OTUD7A: variants seen among roughly 807,000 people sequenced by gnomAD.
OTUD7A encodes the protein OTU deubiquitinase 7A.
A neutral mutation model predicts 65.7 loss-of-function variants in OTUD7A; 12 were observed. The ratio of observed to expected loss-of-function variants is 0.18; its 90% confidence interval spans 0.12 to 0.30. The LOEUF is 0.30. Among genes scored for constraint, OTUD7A ranks in the 10% least tolerant of loss-of-function variants. The pLI, the probability that OTUD7A is intolerant of heterozygous loss-of-function variation, is 1.00. For missense variants in OTUD7A, 1,148 were observed against 1,304.8 expected, an observed-to-expected ratio of 0.88 and a Z score of 1.85; for synonymous variants, 641 against 586.3, an observed-to-expected ratio of 1.09 and a Z score of -1.35.
intron 3 of OTUD7A, among the ~76,000 whole-genome samples, chr15:31,596,331 C>T (rs1312428002): frequency 6.6e-6 from 1 of 152,174 alleles, no homozygotes; most frequent in Non-Finnish European, 1.5e-5. Context: ...CTGCTTTTAA[C>T]CATTGAGTAC....
intron 1 of OTUD7A, among the ~76,000 whole-genome samples, chr15:31,856,028 GT>G (rs1372806492): frequency 6.6e-6 from 1 of 152,162 alleles, no homozygotes; most frequent in African/African-American, 2.4e-5. Flanking sequence ...CACGTCAATG[GT>G]AACTCCAGGC....
intron 1 of OTUD7A, among the ~76,000 whole-genome samples, chr15:31,749,754 A>T (rs1011619475): frequency 2.9e-4 from 44 of 151,784 alleles, no homozygotes; most frequent in East Asian, 1.5e-3. Flanking sequence ...TTTTTTTTTT[A>T]AAAAAAGGAA....
intron 10 of OTUD7A, among the ~76,000 whole-genome samples, chr15:31,501,417 A>T (rs1051428301): frequency 6.6e-6 from 1 of 152,212 alleles, no homozygotes; most frequent in African/African-American, 2.4e-5. Flanking sequence ...ATATGTATAC[A>T]TGTGAAAGGG....
chr15:31,531,784 T>C (rs1472643185), intron 5 of OTUD7A, among the ~76,000 whole-genome samples: 1 of 152,162 alleles, frequency 6.6e-6, no homozygotes, highest in African/African-American at 2.4e-5. Flanking sequence ...CAGAGAAGGC[T>C]GAGTACAAAG....
intron 1 of OTUD7A, among the ~76,000 whole-genome samples, chr15:31,682,620 A>G (rs1023036630): frequency 6.6e-6 from 1 of 152,254 alleles, no homozygotes; most frequent in Non-Finnish European, 1.5e-5. Flanking sequence ...GACTTTTCCA[A>G]AAAATGATGC....
At chr15:31,539,677 T>C (rs1887928037) in intron 5 of OTUD7A, among the ~76,000 whole-genome samples, 2 of 152,218 alleles carry the variant, frequency 1.3e-5, no homozygotes, top group African/African-American at 4.8e-5. Flanking sequence ...AATTTTCTAA[T>C]GCTGTTAAGT....
At chr15:31,829,315 A>G (rs1041130087) in intron 1 of OTUD7A, among the ~76,000 whole-genome samples, 5 of 152,186 alleles carry the variant, frequency 3.3e-5, no homozygotes, top group African/African-American at 1.2e-4. Context: ...CAACATGGTA[A>G]GGAACAGGTT....
chr15:31,490,115 G>A (rs867760571), intron 10 of OTUD7A, among the ~76,000 whole-genome samples: 1 of 152,224 alleles, frequency 6.6e-6, no homozygotes, highest in African/African-American at 2.4e-5. Context: ...GGTCCTCCTC[G>A]TGAGCAGCGG....
At chr15:31,485,205 G>A (rs750636538) in intron 12 of OTUD7A, among the ~76,000 whole-genome samples, 41 of 152,174 alleles carry the variant, frequency 2.7e-4, no homozygotes, top group Non-Finnish European at 5.4e-4. Flanking sequence ...AAGGATGGAG[G>A]CCTTCAGGTG....
intron 1 of OTUD7A, among the ~76,000 whole-genome samples, chr15:31,757,014 T>C (rs73378646): frequency 0.017 from 2,591 of 152,262 alleles, 78 homozygotes; most frequent in African/African-American, 0.059. Context: ...GCCACTGGAA[T>C]GCCACTGGAC....
intron 1 of OTUD7A, among the ~76,000 whole-genome samples, chr15:31,742,749 ATAGG>A (rs780566789): frequency 1.3e-5 from 2 of 152,146 alleles, no homozygotes; most frequent in Admixed American, 6.5e-5. Context: ...ATATAAAGAC[ATAGG>A]TAGCGCGAAT....
chr15:31,622,410 G>A (rs544863734), intron 3 of OTUD7A, among the ~76,000 whole-genome samples: 20 of 152,274 alleles, frequency 1.3e-4, no homozygotes, highest in Admixed American at 9.1e-4. Context: ...CCAATCAGAC[G>A]TGGATTTGGT....
chr15:31,632,555 G>T (rs1595672274), intron 3 of OTUD7A, among the ~76,000 whole-genome samples: 5 of 152,366 alleles, frequency 3.3e-5, no homozygotes, highest in African/African-American at 1.2e-4. Flanking sequence ...CTCCCAGTTA[G>T]GCTGCTCGGG....
chr15:31,593,903 A>G (rs933458546), intron 3 of OTUD7A, among the ~76,000 whole-genome samples: 3 of 152,180 alleles, frequency 2.0e-5, no homozygotes, highest in African/African-American at 7.2e-5. Flanking sequence ...ACCTGTTGGA[A>G]TAAAACGTCA....
chr15:31,481,997 TAGTG>T lies in OTUD7A; in HGVS notation c.*1293_*1296del, dbSNP rs1461556875. 3 of 152,234 alleles carry T rather than the reference TAGTG, an allele frequency of 2.0e-5. No homozygotes were observed. The highest frequency in any genetic ancestry group is 4.4e-5 in the Non-Finnish European group (3 of 68,042). The allele number at this position is 152,234 out of a possible 1,614,324, so 9.4% of individuals were successfully genotyped here. On this transcript the variant is annotated 3_prime_UTR_variant, in exon 13 of 13. Transcript: ENST00000307050. ...ATTTCTTGGAAACAAGCTCGTTCCT[TAGTG>T]AGGCAGATTTAGCTCCTCAGTGTCC... is the stretch of plus-strand genomic sequence containing the variant.
chr15:31,652,601 AT>A (rs899846657), intron 3 of OTUD7A, among the ~76,000 whole-genome samples: 1 of 152,272 alleles, frequency 6.6e-6, no homozygotes, highest in African/African-American at 2.4e-5. Context: ...AAAGATTTAT[AT>A]TCAGAATATG....
chr15:31,685,554 G>T (rs773389719), intron 1 of OTUD7A, among the ~76,000 whole-genome samples: 1 of 152,072 alleles, frequency 6.6e-6, no homozygotes, highest in Non-Finnish European at 1.5e-5. Context: ...AGCTACTAGG[G>T]AGGCTGAGGC....
At chr15:31,594,959 T>C (rs576347512) in intron 3 of OTUD7A, among the ~76,000 whole-genome samples, 2 of 152,328 alleles carry the variant, frequency 1.3e-5, no homozygotes, top group East Asian at 3.9e-4. Context: ...CCAGGAACCA[T>C]GTTCAAGCAT....
intron 1 of OTUD7A, among the ~76,000 whole-genome samples, chr15:31,734,043 G>T (rs913602422): frequency 5.9e-5 from 9 of 152,176 alleles, no homozygotes; most frequent in Non-Finnish European, 1.0e-4. Flanking sequence ...GCATTTCGGG[G>T]AATTGGATAC....
Sources: allele counts gnomAD v4.1 joint callset (sites outside exome capture counted in the v4.1 genomes callset), GRCh38; gene constraint gnomAD v4.1.1; transcripts MANE v1.5; gene names NCBI Gene and HGNC (gene_info 2026-07-23, HGNC 2026-07-21).